The following CCDC83 variants were observed in gnomAD, a reference collection of about 807,000 sequenced individuals.
The protein encoded by CCDC83 is coiled-coil domain containing 83.
CCDC83 carries 54 observed loss-of-function variants against 50.1 expected under a neutral mutation model. That is an observed-to-expected ratio of 1.08 (90% CI 0.87 to 1.35). CCDC83 has a LOEUF of 1.35. Among genes scored for constraint, CCDC83 ranks in the 40% most tolerant of loss-of-function variants. The probability of loss-of-function intolerance (pLI) is 0.00; values close to 1 mark genes in which losing one functional copy is unlikely to be tolerated. For missense variants in CCDC83, 518 were observed against 473.9 expected, an observed-to-expected ratio of 1.09 and a Z score of -0.86; for synonymous variants, 161 against 153.3, an observed-to-expected ratio of 1.05 and a Z score of -0.37.
At chr11:85,896,201 T>G (rs1382425434) in intron 6 of CCDC83, among the ~76,000 whole-genome samples, 7 of 151,266 alleles carry the variant, frequency 4.6e-5, no homozygotes, top group African/African-American at 1.7e-4. Flanking sequence ...CCAAGGCGGG[T>G]GGATTGCTTG....
intron 7 of CCDC83, among the ~76,000 whole-genome samples, 157 bp downstream of exon 7, chr11:85,899,172 G>C (rs1164583739): frequency 1.3e-5 from 2 of 152,098 alleles, no homozygotes; most frequent in African/African-American, 4.8e-5. Context: ...ATTACAAGCT[G>C]TTACTCAAAA....
chr11:85,860,063 C>G (rs2093166454), intron 1 of CCDC83, among the ~76,000 whole-genome samples: 1 of 151,924 alleles, frequency 6.6e-6, no homozygotes, highest in Non-Finnish European at 1.5e-5. Context: ...CTGAGGCAGT[C>G]AGATCACAAG....
chr11:85,915,340 A>G (rs1372327376), intron 8 of CCDC83, 79 bp from the exon 9 acceptor site: 2 of 972,148 alleles, frequency 2.1e-6, no homozygotes, highest in Non-Finnish European at 3.2e-6. Context: ...TCTAGCACCT[A>G]GTAGAGAGAT....
At chr11:85,873,486 G>A (rs12291135) in intron 3 of CCDC83, among the ~76,000 whole-genome samples, 191 bp downstream of exon 3, 9,168 of 152,178 alleles carry the variant, frequency 0.06, 448 homozygotes, top group African/African-American at 0.14. Context: ...CATTATATTA[G>A]TTATAATGTC....
chr11:85,897,825 T>A, intron 6 of CCDC83, among the ~76,000 whole-genome samples: 1 of 152,172 alleles, frequency 6.6e-6, no homozygotes. Flanking sequence ...AAGCATGACT[T>A]ACAGAAAAAT....
intron 3 of CCDC83, among the ~76,000 whole-genome samples, chr11:85,875,399 C>A (rs1407145742): frequency 6.6e-6 from 1 of 152,214 alleles, no homozygotes; most frequent in Non-Finnish European, 1.5e-5. Context: ...TGCCTCCTGC[C>A]TCTATCACTG....
At chr11:85,894,400 A>G (rs1284844657) in intron 5 of CCDC83, among the ~76,000 whole-genome samples, 1 of 152,170 alleles carries the variant, frequency 6.6e-6, no homozygotes, top group East Asian at 1.9e-4. Flanking sequence ...AACATATAAC[A>G]CAGAAGTAAT....
chr11:85,862,020 A>AAG lies in CCDC83; in HGVS notation c.-28-3071_-28-3070dup, dbSNP rs58807049. Among the ~76,000 whole-genome samples the AAG allele has an allele frequency of 9.8e-3, 1,431 of 145,288 alleles. 43 individuals are homozygous for AAG. The highest frequency in any genetic ancestry group is 0.034 in the African/African-American group (1,317 of 38,608). On this transcript the variant is annotated intron_variant, in intron 1 of 10. Transcript: ENST00000342404. ...CATTAAAAAAAAAAAAAAAAAAAAA[A>AAG]AGAGAGTCATTTATTTTAAGCTTTC...
Position 85,865,198 on chromosome 11 carries a change from T to G in CCDC83, c.75T>G (p.Ser25Arg). 6.2e-7 allele frequency: 1 copy of G among 1,603,318 alleles called. No individual in the cohort carries two copies. The highest frequency in any genetic ancestry group is 8.5e-7 in the Non-Finnish European group (1 of 1,170,352). Residue 25 changes from serine (S) to arginine (R), a missense_variant, in exon 2 of 11, where the codon AGT (serine) becomes AGG (arginine). Physicochemically the swap from Ser to Arg is moderately radical, Grantham distance 110. Transcript: ENST00000342404. ...CAAAAGAAATTAAACTGCCTACCAG[T>G]GAAGCACTTCTAGACTATCAGTAAG... ...GPPKEIKLPT[S>R]EALLDYQCQI...
chr11:85,899,166 C>T (rs773662691), intron 7 of CCDC83, 151 bp downstream of exon 7: 5 of 585,434 alleles, frequency 8.5e-6, no homozygotes, highest in African/African-American at 5.7e-5. Flanking sequence ...CATCTCATTA[C>T]AAGCTGTTAC....
intron 7 of CCDC83, among the ~76,000 whole-genome samples, chr11:85,906,000 G>A (rs1365253277): frequency 3.4e-5 from 5 of 149,044 alleles, no homozygotes; most frequent in Non-Finnish European, 5.9e-5. Context: ...AAGAGTATTA[G>A]GGAGAAACTT....
chr11:85,883,102 G>C (rs914637208), intron 4 of CCDC83, among the ~76,000 whole-genome samples: 1 of 152,040 alleles, frequency 6.6e-6, no homozygotes, highest in African/African-American at 2.4e-5. Context: ...CTTTTTTGTA[G>C]AGATGAGGTC....
intron 7 of CCDC83, among the ~76,000 whole-genome samples, chr11:85,901,052 G>A (rs1387752394): frequency 6.9e-6 from 1 of 144,762 alleles, no homozygotes; most frequent in African/African-American, 2.6e-5. Flanking sequence ...GCGACAGAGC[G>A]AGACCCTGTC....
At chr11:85,883,970 G>A (rs2093314330) in intron 4 of CCDC83, among the ~76,000 whole-genome samples, 1 of 152,146 alleles carries the variant, frequency 6.6e-6, no homozygotes, top group Non-Finnish European at 1.5e-5. Flanking sequence ...AGTATATTTT[G>A]CATGACTTCT....
chr11:85,873,120 C>T (rs1404031169), intron 2 of CCDC83, 91 bp from the exon 3 acceptor site: 2 of 568,400 alleles, frequency 3.5e-6, no homozygotes, highest in African/African-American at 1.9e-5. Context: ...TTTCATAATA[C>T]ATTTAATAAT....
At chr11:85,903,048 A>T (rs1315274576) in intron 7 of CCDC83, among the ~76,000 whole-genome samples, 1 of 152,058 alleles carries the variant, frequency 6.6e-6, no homozygotes. Flanking sequence ...CCTGGCCAAC[A>T]TGGTGAAACC....
At chr11:85,917,913 A>G (rs2093490002) in intron 10 of CCDC83, 2 of 152,226 alleles carry the variant, frequency 1.3e-5, no homozygotes, top group South Asian at 4.1e-4. Context: ...CTTACTTTCC[A>G]TGAAAGTTTT....
intron 4 of CCDC83, among the ~76,000 whole-genome samples, chr11:85,883,643 C>G (rs2093312627): frequency 6.6e-6 from 1 of 152,108 alleles, no homozygotes; most frequent in African/African-American, 2.4e-5. Flanking sequence ...TTTCTAGGAC[C>G]ACTTTTGCCA....
chr11:85,917,142 G>C (rs1309974247), intron 10 of CCDC83, among the ~76,000 whole-genome samples: 1 of 82,512 alleles, frequency 1.2e-5, no homozygotes, highest in African/African-American at 4.8e-5. Flanking sequence ...GAAAGAGAGA[G>C]AGAGAGAGAG....
Sources: allele counts gnomAD v4.1 joint callset (sites outside exome capture counted in the v4.1 genomes callset), GRCh38; gene constraint gnomAD v4.1.1; transcripts MANE v1.5; gene names NCBI Gene and HGNC (gene_info 2026-07-23, HGNC 2026-07-21).